The following CTXN3 variants were observed in gnomAD, a reference collection of about 807,000 sequenced individuals.
The protein encoded by CTXN3 is cortexin 3.
Under a neutral mutation model 5.0 loss-of-function variants are expected in CTXN3, and 4 were observed. The observed-to-expected ratio is 0.79, with a 90% CI of 0.39 to 1.82. The LOEUF is 1.82. CTXN3 is among the 40% of genes most tolerant of loss of function. The pLI is 0.04. For synonymous variants in CTXN3, 48 were observed against 38.6 expected (o/e 1.24, Z -0.91); for missense variants, 89 against 99.7 (o/e 0.89, Z 0.46).
chr5:127,656,177 C>T lies in CTXN3; in HGVS notation c.-99-1246C>T, dbSNP rs537348460. ...TTGTAATTTTTATTATAAATAAATT[C>T]ATAATAAATATCATTTAATTTTCTA... is the stretch of plus-strand genomic sequence containing the variant. On this transcript the variant is annotated intron_variant, in intron 2 of 2. Transcript: ENST00000379445. Among the ~76,000 whole-genome samples, 39 of 152,052 alleles carry T rather than the reference C, an allele frequency of 2.6e-4. No homozygotes were observed. In the South Asian group the frequency reaches 7.7e-3, roughly 30 times the overall value.
intron 1 of CTXN3, chr5:127,652,121 C>T (rs971119144): frequency 1.3e-5 from 2 of 152,112 alleles, no homozygotes; most frequent in African/African-American, 4.8e-5. Context: ...TTTCAGATTC[C>T]ACCCATCAAC....
chr5:127,654,269 A>G (rs76655265), intron 2 of CTXN3, among the ~76,000 whole-genome samples: 1,637 of 152,240 alleles, frequency 0.011, 21 homozygotes, highest in African/African-American at 0.034. Flanking sequence ...TTTCACCTCT[A>G]TTTGCTCATA....
intron 1 of CTXN3, among the ~76,000 whole-genome samples, chr5:127,652,076 A>C (rs1419266557): frequency 6.6e-6 from 1 of 152,202 alleles, no homozygotes; most frequent in East Asian, 1.9e-4. Context: ...CTCTTAAATA[A>C]AAGGGTAACT....
At chr5:127,652,177 T>G (rs527750964) in intron 1 of CTXN3, 2 of 152,292 alleles carry the variant, frequency 1.3e-5, no homozygotes, top group South Asian at 4.2e-4. Flanking sequence ...TTATGGCTCT[T>G]CAAATTACAA....
At chr5:127,654,897 A>T (rs791075) in intron 2 of CTXN3, among the ~76,000 whole-genome samples, 1 of 152,048 alleles carries the variant, frequency 6.6e-6, no homozygotes, top group African/African-American at 2.4e-5. Flanking sequence ...AAATCCTTAC[A>T]TCAGTTATAC....
chr5:127,653,935 T>C (rs1448121188), intron 2 of CTXN3, among the ~76,000 whole-genome samples: 1 of 152,046 alleles, frequency 6.6e-6, no homozygotes, highest in Admixed American at 6.6e-5. Context: ...CCCTCATCCC[T>C]CCCCTAGGGC....
At chr5:127,652,144 G>A (rs1383894332) in intron 1 of CTXN3, 1 of 152,150 alleles carries the variant, frequency 6.6e-6, no homozygotes, top group Non-Finnish European at 1.5e-5. Context: ...GGAGGCCAAG[G>A]AAAATTTAAT....
At chr5:127,652,866 T>G (rs1303035928) in intron 1 of CTXN3, 1 of 152,216 alleles carries the variant, frequency 6.6e-6, no homozygotes, top group African/African-American at 2.4e-5. Flanking sequence ...GAACTAAATG[T>G]GATTTGGTGT....
intron 2 of CTXN3, among the ~76,000 whole-genome samples, 168 bp from the exon 3 acceptor site, chr5:127,657,255 T>C (rs1327089766): frequency 6.6e-6 from 1 of 152,170 alleles, no homozygotes; most frequent in Non-Finnish European, 1.5e-5. Context: ...GGTAATTTCA[T>C]GCAAGAGTAA....
chr5:127,656,936 C>G (rs1439867391), intron 2 of CTXN3, among the ~76,000 whole-genome samples: 1 of 152,214 alleles, frequency 6.6e-6, no homozygotes, highest in Non-Finnish European at 1.5e-5. Context: ...CCTCAGTTTC[C>G]TTGCACTGGG....
chr5:127,657,880 G>A lies in CTXN3; in HGVS notation c.*113G>A. 7.7e-7 allele frequency: 1 copy of A among 1,296,518 alleles called. No individual in the cohort carries two copies. The highest frequency in any genetic ancestry group is 2.4e-5 in the Admixed American group (1 of 41,394). 80.3% of individuals were successfully genotyped at this position (1,296,518 alleles called of 1,614,324 possible). A position where few individuals can be genotyped will look rare whatever the true frequency, so the allele number is the denominator to read the frequency against. On this transcript the variant is annotated 3_prime_UTR_variant, in exon 3 of 3. Transcript: ENST00000379445. The stretch of plus-strand genomic sequence containing the variant: ...AAATTTAAACAATATTTGGTCCCAG[G>A]ACCATAATCCATTATTCCATAAATA...
chr5:127,655,224 T>C (rs1212110374), intron 2 of CTXN3, among the ~76,000 whole-genome samples: 2 of 152,042 alleles, frequency 1.3e-5, no homozygotes, highest in South Asian at 2.1e-4. Context: ...GATCGCACCA[T>C]TGCACTCCAC....
At chr5:127,651,104 T>C (rs1749776607) in intron 1 of CTXN3, among the ~76,000 whole-genome samples, 1 of 152,180 alleles carries the variant, frequency 6.6e-6, no homozygotes, top group African/African-American at 2.4e-5. Flanking sequence ...ATTCCGTTCC[T>C]GTTAAAGTCT....
chr5:127,653,091 G>C (rs183365539), intron 1 of CTXN3: 34 of 152,192 alleles, frequency 2.2e-4, no homozygotes, highest in African/African-American at 8.2e-4. Flanking sequence ...AGGAAGCATG[G>C]GCAAGGGATG....
At chr5:127,651,067 G>A (rs1026747700) in intron 1 of CTXN3, among the ~76,000 whole-genome samples, 3 of 152,126 alleles carry the variant, frequency 2.0e-5, no homozygotes, top group Admixed American at 6.5e-5. Flanking sequence ...GTTGGTCACC[G>A]CAAATTCAGT....
At chr5:127,654,840 G>A (rs1239760592) in intron 2 of CTXN3, among the ~76,000 whole-genome samples, 1 of 152,086 alleles carries the variant, frequency 6.6e-6, no homozygotes. Context: ...GACTCAAAAG[G>A]TTCTCTATCT....
chr5:127,653,673 T>C (rs1749842446), intron 2 of CTXN3: 2 of 152,252 alleles, frequency 1.3e-5, no homozygotes, highest in Admixed American at 6.5e-5. Context: ...TATTTTTGTA[T>C]TGTGGTAGCA....
At position 127,657,627 on chromosome 5, in the gene CTXN3, CTGT is replaced by C; in HGVS notation, c.111_113del (p.Leu37del). 1 of 1,614,166 alleles carries C rather than the reference CTGT, an allele frequency of 6.2e-7. No homozygotes were observed. Among genetic ancestry groups the C allele is most frequent in the South Asian group, 1.1e-5 (1 of 91,080 alleles). Reference sequence around the variant, plus strand: ...GAAAATGACATTTGTTTTTGTGATTCTGTTGTTTATTTTCTTGGGCATTCTCAT... The same window carrying C: ...GAAAATGACATTTGTTTTTGTGATTCTGTTTATTTTCTTGGGCATTCTCAT... On this transcript the variant is annotated inframe_deletion, in exon 3 of 3. Transcript: ENST00000379445.
At chr5:127,657,338 TTC>T (rs1274285979) in intron 2 of CTXN3, 83 bp from the exon 3 acceptor site, 40 of 613,362 alleles carry the variant, frequency 6.5e-5, no homozygotes, top group Non-Finnish European at 1.1e-5. Flanking sequence ...AGATTTCTTT[TTC>T]TCTCTGAAAA....
Sources: gnomAD v4.1 joint callset for allele counts (sites outside exome capture counted in the v4.1 genomes callset) on GRCh38, gnomAD v4.1.1 for gene constraint, MANE v1.5 for transcripts, NCBI Gene and HGNC (gene_info 2026-07-23, HGNC 2026-07-21) for gene names.